The following PRKN variants were observed in gnomAD, a reference collection of about 807,000 sequenced individuals.
PRKN encodes E3 ubiquitin-protein ligase parkin.
PRKN carries 56 observed loss-of-function variants against 59.5 expected under a neutral mutation model. That is an observed-to-expected ratio of 0.94 (90% CI 0.76 to 1.18). PRKN has a LOEUF of 1.18. PRKN is among the 50% of genes most tolerant of loss of function. The probability of loss-of-function intolerance (pLI) is 0.00; values close to 1 mark genes in which losing one functional copy is unlikely to be tolerated. For synonymous variants in PRKN, 250 were observed against 222.1 expected (o/e 1.13, Z -1.12); for missense variants, 657 against 596.4 (o/e 1.10, Z -1.06).
intron 1 of PRKN, among the ~76,000 whole-genome samples, chr6:162,466,034 ATT>A (rs1472067566): frequency 6.6e-6 from 1 of 152,148 alleles, no homozygotes; most frequent in Non-Finnish European, 1.5e-5. Context: ...AACCACCAAT[ATT>A]TTTCTTTCCT....
Position 161,545,491 on chromosome 6 carries a change from T to C in PRKN, c.1083+3363A>G, listed in dbSNP as rs1328062371. ...CACCTTCTTCTAACTTTTATGTATT[T>C]GGCCATGTTCTACTTCTGAAATGAC... On this transcript the variant is annotated intron_variant, in intron 9 of 11. Transcript: ENST00000366898. This position sits in a 1 kb window ranked among gnomAD's most constrained non-coding sequence, Gnocchi z 4.1. 1 of 1,309,168 alleles carries C rather than the reference T, an allele frequency of 7.6e-7. No individual in the cohort carries two copies. Among genetic ancestry groups the C allele is most frequent in the Non-Finnish European group, 1.1e-6 (1 of 905,746 alleles). 81.1% of individuals were successfully genotyped at this position (1,309,168 alleles called of 1,614,324 possible). A position where few individuals can be genotyped will look rare whatever the true frequency, so the allele number is the denominator to read the frequency against.
chr6:162,510,768 A>G (rs978191849), intron 1 of PRKN, among the ~76,000 whole-genome samples: 2 of 151,844 alleles, frequency 1.3e-5, no homozygotes, highest in Non-Finnish European at 2.9e-5. Context: ...CTAAAAATGC[A>G]AAAAATTAGC....
Position 162,230,436 on chromosome 6 carries a change from G to A in PRKN, c.413-29184C>T, listed in dbSNP as rs901776407. On this transcript the variant is annotated intron_variant, in intron 3 of 11. Transcript: ENST00000366898. Reference sequence around the variant, plus strand: ...GAGGCAAGCTGGGCTTGAAGTCTGGGAGGATCCAGGGGAAGAGTGAAGAGG... The same window carrying A: ...GAGGCAAGCTGGGCTTGAAGTCTGGAAGGATCCAGGGGAAGAGTGAAGAGG... Among the ~76,000 whole-genome samples, 3 of 152,316 alleles carry A rather than the reference G, an allele frequency of 2.0e-5. No individual in the cohort carries two copies. The South Asian group carries it at 6.2e-4, about 32-fold the overall frequency.
intron 3 of PRKN, among the ~76,000 whole-genome samples, chr6:162,242,244 T>C (rs2128092056): frequency 6.6e-6 from 1 of 152,272 alleles, no homozygotes; most frequent in Middle Eastern, 3.4e-3. Context: ...GTGTGATTCC[T>C]CATTCTAAGT....
intron 1 of PRKN, among the ~76,000 whole-genome samples, chr6:162,716,503 ATGGT>A (rs1309983251): frequency 5.3e-5 from 8 of 152,188 alleles, no homozygotes; most frequent in Non-Finnish European, 1.2e-4. Flanking sequence ...TATACACATA[ATGGT>A]TATTTGCTTC....
chr6:162,012,994 C>T (rs1782795032), intron 5 of PRKN, among the ~76,000 whole-genome samples: 1 of 152,112 alleles, frequency 6.6e-6, no homozygotes, highest in African/African-American at 2.4e-5. Context: ...GGCGACAAGG[C>T]TATGCAAATA....
At chr6:161,726,556 T>C (rs544337015) in intron 7 of PRKN, among the ~76,000 whole-genome samples, 10 of 152,158 alleles carry the variant, frequency 6.6e-5, no homozygotes, top group Non-Finnish European at 1.2e-4. Flanking sequence ...TTGAATACAG[T>C]TGGTAAGAAG....
At chr6:162,258,620 C>T (rs1223584398) in intron 3 of PRKN, among the ~76,000 whole-genome samples, 1 of 152,176 alleles carries the variant, frequency 6.6e-6, no homozygotes. Context: ...AGCCCCTGGG[C>T]CCGCGGTGTT....
intron 9 of PRKN, among the ~76,000 whole-genome samples, chr6:161,491,636 C>CT (rs35912732): frequency 0.033 from 4,929 of 148,500 alleles, 270 homozygotes; most frequent in African/African-American, 0.12. Flanking sequence ...ACTTAACTTC[C>CT]TTTTTTTTTT....
At chr6:161,632,602 T>C (rs1448252218) in intron 7 of PRKN, among the ~76,000 whole-genome samples, 1 of 152,218 alleles carries the variant, frequency 6.6e-6, no homozygotes, top group African/African-American at 2.4e-5. Context: ...CTATAAACCA[T>C]TGGAAACTGT....
intron 4 of PRKN, among the ~76,000 whole-genome samples, chr6:162,187,711 A>G (rs904250656): frequency 3.3e-5 from 5 of 152,208 alleles, no homozygotes; most frequent in Non-Finnish European, 7.3e-5. Flanking sequence ...TTAATATAAC[A>G]TGACATTTAC....
At position 162,351,309 on chromosome 6, in the gene PRKN, G is replaced by T. The variant is rs151002386; in HGVS notation, c.172-88544C>A. Among the ~76,000 whole-genome samples the T allele has an allele frequency of 4.4e-3, 666 of 152,254 alleles. 5 individuals are homozygous for T. The highest frequency in any genetic ancestry group is 0.015 in the African/African-American group (638 of 41,558). ...ACTGCAGCAAAGAAGACATATAGATGGCAAATAAGTACCTGAGAAGATGCC... is the reference window on the plus strand; with the variant it reads ...ACTGCAGCAAAGAAGACATATAGATTGCAAATAAGTACCTGAGAAGATGCC... On this transcript the variant is annotated intron_variant, in intron 2 of 11. Transcript: ENST00000366898.
intron 1 of PRKN, among the ~76,000 whole-genome samples, chr6:162,504,513 G>A (rs978279296): frequency 6.6e-6 from 1 of 152,172 alleles, no homozygotes; most frequent in African/African-American, 2.4e-5. Flanking sequence ...GCCCTACATA[G>A]ATATGACATC....
At chr6:161,640,618 T>A (rs1307672113) in intron 7 of PRKN, among the ~76,000 whole-genome samples, 17 of 152,024 alleles carry the variant, frequency 1.1e-4, no homozygotes, top group Non-Finnish European at 1.3e-4. Flanking sequence ...GTGGTCGACA[T>A]CCTATTTTTT....
intron 7 of PRKN, among the ~76,000 whole-genome samples, chr6:161,596,998 A>G (rs75309434): frequency 0.028 from 4,208 of 152,296 alleles, 148 homozygotes; most frequent in African/African-American, 0.084. Context: ...GTCTTGGCCA[A>G]TGAAAAGTAC....
At chr6:162,098,424 A>T (rs1779833854) in intron 4 of PRKN, among the ~76,000 whole-genome samples, 1 of 152,144 alleles carries the variant, frequency 6.6e-6, no homozygotes, top group Non-Finnish European at 1.5e-5. Context: ...CTGCACACTG[A>T]TGGTATGTTT....
chr6:162,385,743 C>G (rs925566664), intron 2 of PRKN, among the ~76,000 whole-genome samples: 1 of 151,908 alleles, frequency 6.6e-6, no homozygotes, highest in African/African-American at 2.4e-5. Context: ...CCATCCCTGA[C>G]TTTTTGGTCC....
At position 162,381,919 on chromosome 6, in the gene PRKN, T is replaced by C. The variant is rs941430938; in HGVS notation, c.171+61391A>G. 4.6e-5 allele frequency among the ~76,000 whole-genome samples: 7 copies of C among 152,158 alleles called. 1 individual carries two copies. Among genetic ancestry groups the C allele is most frequent in the Admixed American group, 3.9e-4 (6 of 15,284 alleles). On this transcript the variant is annotated intron_variant, in intron 2 of 11. Transcript: ENST00000366898. ...AGGAAAACTGCATTCATTAGTAGAA[T>C]TGTTTTTCTTTTTCCCTTATAACAC...
intron 2 of PRKN, among the ~76,000 whole-genome samples, chr6:162,324,571 A>T (rs1207284132): frequency 6.6e-6 from 1 of 152,142 alleles, no homozygotes; most frequent in Non-Finnish European, 1.5e-5. Flanking sequence ...ATGCTTTGCT[A>T]AGCACTGGCA....
Sources: allele counts gnomAD v4.1 joint callset (sites outside exome capture counted in the v4.1 genomes callset), GRCh38; gene constraint gnomAD v4.1.1; non-coding constraint Gnocchi (gnomAD v3.1); transcripts MANE v1.5; gene names NCBI Gene and HGNC (gene_info 2026-07-23, HGNC 2026-07-21).